FSHR: variants seen among roughly 807,000 people sequenced by gnomAD.
The protein encoded by FSHR is follicle stimulating hormone receptor, also known as follicle-stimulating hormone receptor.
Under a neutral mutation model 52.1 loss-of-function variants are expected in FSHR, and 46 were observed. That is an observed-to-expected ratio of 0.88 (90% confidence interval 0.70 to 1.13). FSHR has a LOEUF of 1.13. Ranked by LOEUF, FSHR falls within the 50% of genes most tolerant of loss-of-function variation. The probability of loss-of-function intolerance (pLI) is 0.00; values close to 1 mark genes in which losing one functional copy is unlikely to be tolerated. For synonymous variants in FSHR, 399 were observed against 309.6 expected, an observed-to-expected ratio of 1.29 and a Z score of -3.03; for missense variants, 964 against 834.6, an observed-to-expected ratio of 1.16 and a Z score of -1.91.
intron 1 of FSHR, among the ~76,000 whole-genome samples, chr2:49,090,297 G>C (rs1670556757): frequency 6.6e-6 from 1 of 152,106 alleles, no homozygotes; most frequent in African/African-American, 2.4e-5. Context: ...ACTTTTAACT[G>C]CTAGTAATGA....
intron 2 of FSHR, among the ~76,000 whole-genome samples, chr2:49,021,841 CTCTCTCTCTCTCTCTCTCTCTCTA>C (rs1219034620): frequency 1.3e-4 from 5 of 37,162 alleles, no homozygotes; most frequent in Non-Finnish European, 2.4e-4. Flanking sequence ...TTCTCTCTCT[CTCTCTCTCTCTCTCTCTCTCTCTA>C]TATATATATA....
At position 49,017,526 on chromosome 2, in the gene FSHR, G is replaced by T. The variant is rs760697660; in HGVS notation, c.337C>A (p.Pro113Thr). The T allele has an allele frequency of 5.2e-5, 84 of 1,613,388 alleles. No individual in the cohort carries two copies. Among genetic ancestry groups the T allele is most frequent in the Non-Finnish European group, 6.8e-5 (80 of 1,179,658 alleles). ...EKANNLLYINPEAFQNLPNLQ... is the reference protein window; with the variant it reads ...EKANNLLYINTEAFQNLPNLQ... ...TTGGGAAGGTTCTGGAAGGCCTCAGGGTTGATGTAGAGCAGGTTGTTGGCC... is the reference window on the plus strand; with the variant it reads ...TTGGGAAGGTTCTGGAAGGCCTCAGTGTTGATGTAGAGCAGGTTGTTGGCC... The change falls in exon 4 of 10, where the codon CCT becomes ACT. Residue 113 changes from proline to threonine, a missense_variant. Coordinates refer to ENST00000406846, the MANE Select transcript of FSHR (RefSeq NM_000145.4).
At chr2:49,066,106 G>A (rs1279100209) in intron 2 of FSHR, among the ~76,000 whole-genome samples, 2 of 152,134 alleles carry the variant, frequency 1.3e-5, no homozygotes, top group East Asian at 1.9e-4. Context: ...TGAAAAGAAA[G>A]GATAGAGAGG....
At chr2:49,121,536 T>C (rs550424815) in intron 1 of FSHR, among the ~76,000 whole-genome samples, 1 of 152,332 alleles carries the variant, frequency 6.6e-6, no homozygotes, top group Admixed American at 6.5e-5. Flanking sequence ...GTTTATTAGG[T>C]GTCTACTAGA....
intron 4 of FSHR, among the ~76,000 whole-genome samples, chr2:49,004,519 C>G (rs1470896817): frequency 1.3e-5 from 2 of 152,122 alleles, no homozygotes; most frequent in Non-Finnish European, 2.9e-5. Flanking sequence ...CTGGGAGCCC[C>G]AGATTCATGA....
At chr2:49,093,452 G>A (rs1255145327) in intron 1 of FSHR, among the ~76,000 whole-genome samples, 3 of 151,912 alleles carry the variant, frequency 2.0e-5, no homozygotes, top group African/African-American at 7.3e-5. Flanking sequence ...TTTTTTCATG[G>A]TAATTTTTCC....
At chr2:49,027,489 T>C (rs1458226047) in intron 2 of FSHR, among the ~76,000 whole-genome samples, 3 of 152,186 alleles carry the variant, frequency 2.0e-5, no homozygotes, top group Admixed American at 2.0e-4. Context: ...AGCTAGTCTT[T>C]GTGCTTGGGA....
At chr2:49,019,678 A>G (rs1262043888) in intron 3 of FSHR, among the ~76,000 whole-genome samples, 2 of 152,322 alleles carry the variant, frequency 1.3e-5, no homozygotes, top group East Asian at 3.9e-4. Flanking sequence ...ATAGTTATCT[A>G]TCTTGGCCAA....
At chr2:49,145,234 A>T (rs1457068909) in intron 1 of FSHR, among the ~76,000 whole-genome samples, 1 of 152,146 alleles carries the variant, frequency 6.6e-6, no homozygotes, top group African/African-American at 2.4e-5. Context: ...CCTTTATCCA[A>T]ACTGAAAAGA....
intron 4 of FSHR, among the ~76,000 whole-genome samples, chr2:49,016,454 C>A (rs1393911573): frequency 1.3e-5 from 2 of 152,224 alleles, no homozygotes; most frequent in South Asian, 4.1e-4. Flanking sequence ...TCAGCTGTCT[C>A]TCTTAGAACC....
intron 8 of FSHR, among the ~76,000 whole-genome samples, chr2:48,969,765 C>T (rs1674654350): frequency 6.6e-6 from 1 of 152,210 alleles, no homozygotes; most frequent in Non-Finnish European, 1.5e-5. Context: ...TTAACCAGGT[C>T]CCTGCCCCTG....
intron 1 of FSHR, among the ~76,000 whole-genome samples, chr2:49,148,532 A>G (rs1228857934): frequency 1.3e-5 from 2 of 152,066 alleles, no homozygotes; most frequent in African/African-American, 4.8e-5. Flanking sequence ...TGAACCAGAC[A>G]CACTAAGGTG....
At chr2:49,084,424 C>A (rs1474703550) in intron 1 of FSHR, among the ~76,000 whole-genome samples, 2 of 152,082 alleles carry the variant, frequency 1.3e-5, no homozygotes, top group Non-Finnish European at 2.9e-5. Flanking sequence ...CCTAACATCA[C>A]AATTAAAGGA....
chr2:48,983,872 G>A (rs1463957732), intron 6 of FSHR, among the ~76,000 whole-genome samples: 1 of 152,074 alleles, frequency 6.6e-6, no homozygotes, highest in Admixed American at 6.5e-5. Flanking sequence ...TCCTGATTGC[G>A]CTAAGAAGGT....
chr2:49,127,776 T>TA (rs1672071153), intron 1 of FSHR, among the ~76,000 whole-genome samples: 2 of 44,690 alleles, frequency 4.5e-5, no homozygotes, highest in Non-Finnish European at 8.1e-5. Context: ...CTTCTTCTTC[T>TA]TCTTCTTCTT....
intron 2 of FSHR, among the ~76,000 whole-genome samples, chr2:49,042,854 G>C (rs1183823541): frequency 6.6e-6 from 1 of 152,108 alleles, no homozygotes; most frequent in African/African-American, 2.4e-5. Context: ...TATAAATAGA[G>C]GATTGCTAAG....
chr2:49,121,641 C>T (rs1671820306), intron 1 of FSHR, among the ~76,000 whole-genome samples: 1 of 152,180 alleles, frequency 6.6e-6, no homozygotes, highest in African/African-American at 2.4e-5. Context: ...CTTTGCCTTG[C>T]AGTTGTCATT....
At chr2:49,102,303 G>C (rs1374351444) in intron 1 of FSHR, among the ~76,000 whole-genome samples, 1 of 152,046 alleles carries the variant, frequency 6.6e-6, no homozygotes, top group Non-Finnish European at 1.5e-5. Context: ...AAGGTGTGGG[G>C]GCAGCACAGA....
chr2:48,984,201 C>T (rs1333263399), intron 6 of FSHR, among the ~76,000 whole-genome samples: 1 of 152,142 alleles, frequency 6.6e-6, no homozygotes, highest in Non-Finnish European at 1.5e-5. Flanking sequence ...TCTTTTTCCT[C>T]CTCTTGAAAA....
Sources: gnomAD v4.1 joint callset for allele counts (sites outside exome capture counted in the v4.1 genomes callset) on GRCh38, gnomAD v4.1.1 for gene constraint, MANE v1.5 for transcripts, NCBI Gene and HGNC (gene_info 2026-07-23, HGNC 2026-07-21) for gene names.